Variants in ATG10 observed in about 807,000 individuals in gnomAD.
ATG10 encodes ubiquitin-like-conjugating enzyme ATG10.
A neutral mutation model predicts 32.1 loss-of-function variants in ATG10; 30 were observed. The ratio of observed to expected loss-of-function variants is 0.94; its 90% CI spans 0.70 to 1.27. The LOEUF is 1.27. ATG10 is among the 50% of genes most tolerant of loss of function. ATG10 has a pLI of 0.00. For missense variants in ATG10, 233 were observed against 262.3 expected, an observed-to-expected ratio of 0.89 and a Z score of 0.77; for synonymous variants, 87 against 91.5, an observed-to-expected ratio of 0.95 and a Z score of 0.28.
At chr5:82,127,879 G>A (rs185014015) in intron 3 of ATG10, among the ~76,000 whole-genome samples, 166 of 151,938 alleles carry the variant, frequency 1.1e-3, no homozygotes, top group African/African-American at 3.8e-3. Flanking sequence ...TTGACAGTGG[G>A]GTGTTAAAGT....
chr5:82,170,351 A>G (rs1743754035), intron 4 of ATG10, among the ~76,000 whole-genome samples: 1 of 152,198 alleles, frequency 6.6e-6, no homozygotes, highest in Non-Finnish European at 1.5e-5. Context: ...AATATGCTGA[A>G]ACAAATCACT....
intron 3 of ATG10, among the ~76,000 whole-genome samples, chr5:82,136,897 C>T (rs1255429446): frequency 6.6e-6 from 1 of 152,078 alleles, no homozygotes; most frequent in Non-Finnish European, 1.5e-5. Flanking sequence ...TTCTTGGAGG[C>T]TTTGTTCATT....
At chr5:81,992,402 T>C (rs915945242) in intron 2 of ATG10, 11 of 151,662 alleles carry the variant, frequency 7.3e-5, no homozygotes, top group African/African-American at 2.7e-4. Context: ...ATTTTTAAAA[T>C]TAAATTAAAT....
At chr5:81,991,610 A>G (rs1761460944) in intron 2 of ATG10, among the ~76,000 whole-genome samples, 1 of 152,140 alleles carries the variant, frequency 6.6e-6, no homozygotes, top group Non-Finnish European at 1.5e-5. Context: ...CCTGGCCAAC[A>G]TGGTGAAACC....
At chr5:82,142,506 C>T (rs906691474) in intron 3 of ATG10, among the ~76,000 whole-genome samples, 3 of 152,058 alleles carry the variant, frequency 2.0e-5, no homozygotes, top group African/African-American at 7.2e-5. Context: ...AGAATGACAA[C>T]AAAGGATGCT....
At chr5:82,170,227 A>T (rs1743747797) in intron 4 of ATG10, among the ~76,000 whole-genome samples, 1 of 148,482 alleles carries the variant, frequency 6.7e-6, no homozygotes, top group Non-Finnish European at 1.5e-5. Context: ...TGCCATATGG[A>T]AAAAACATCT....
At chr5:82,138,836 GCTCTCCCTCCCCCTCCCCCTCCCC>G (rs1766889082) in intron 3 of ATG10, among the ~76,000 whole-genome samples, 2 of 74,236 alleles carry the variant, frequency 2.7e-5, no homozygotes, top group Non-Finnish European at 2.5e-5. Context: ...TGAAAGTCGA[GCTCTCCCTCCCCCTCCCCCTCCCC>G]CTCCCCCTCC....
In ATG10 at chr5:82,098,510, C is replaced by T. The variant is rs1205514350; in HGVS notation, c.216+39908C>T. 2.6e-5 allele frequency among the ~76,000 whole-genome samples: 4 copies of T among 151,936 alleles called. No homozygotes were observed. In the East Asian group the frequency reaches 7.7e-4, roughly 29 times the overall value. Reference sequence around the variant, plus strand: ...TTTTTTAGTAGAGATGCGGTTTCACCATCTTGGCCAGGCTGGTCTTGAACT... The same window carrying T: ...TTTTTTAGTAGAGATGCGGTTTCACTATCTTGGCCAGGCTGGTCTTGAACT... On this transcript the variant is annotated intron_variant, in intron 3 of 7. Transcript: ENST00000282185.
chr5:82,026,011 A>G (rs1319137877), intron 2 of ATG10, among the ~76,000 whole-genome samples: 1 of 152,212 alleles, frequency 6.6e-6, no homozygotes. Flanking sequence ...CTGTCTTAAC[A>G]ATTTTTAAAT....
chr5:82,103,470 C>A (rs936272939), intron 3 of ATG10, among the ~76,000 whole-genome samples: 13 of 152,230 alleles, frequency 8.5e-5, no homozygotes, highest in Middle Eastern at 3.4e-3. Flanking sequence ...AACCTGTGTG[C>A]CCCTCTATCT....
intron 5 of ATG10, among the ~76,000 whole-genome samples, chr5:82,193,589 C>T (rs1282402314): frequency 6.6e-6 from 1 of 152,136 alleles, no homozygotes; most frequent in African/African-American, 2.4e-5. Context: ...TTACAGCTTT[C>T]CCTCCCCTAC....
intron 3 of ATG10, among the ~76,000 whole-genome samples, chr5:82,118,932 G>A (rs1016893167): frequency 4.6e-5 from 7 of 152,146 alleles, no homozygotes; most frequent in East Asian, 1.9e-4. Context: ...GAGAGTTCAA[G>A]GAGGGCAATG....
At chr5:82,018,617 G>A (rs1762352059) in intron 2 of ATG10, among the ~76,000 whole-genome samples, 1 of 152,052 alleles carries the variant, frequency 6.6e-6, no homozygotes, top group Admixed American at 6.6e-5. Context: ...CGCTGACCTT[G>A]CTGTTCTTTA....
chr5:82,155,000 A>G (rs1037026575), intron 3 of ATG10, among the ~76,000 whole-genome samples: 5 of 152,172 alleles, frequency 3.3e-5, no homozygotes, highest in South Asian at 2.1e-4. Context: ...TAACATTCCT[A>G]CAATGCTTGC....
intron 3 of ATG10, among the ~76,000 whole-genome samples, chr5:82,136,691 G>T (rs918238326): frequency 5.3e-5 from 8 of 152,074 alleles, no homozygotes; most frequent in African/African-American, 1.7e-4. Flanking sequence ...ATTATATGTT[G>T]GGGTTGTTCT....
chr5:82,128,838 T>G (rs892279494), intron 3 of ATG10, among the ~76,000 whole-genome samples: 17 of 151,684 alleles, frequency 1.1e-4, no homozygotes, highest in African/African-American at 4.1e-4. Context: ...TATGTGTTTT[T>G]GGGTTGCTCT....
At chr5:81,997,254 G>A (rs376943573) in intron 2 of ATG10, among the ~76,000 whole-genome samples, 1 of 152,224 alleles carries the variant, frequency 6.6e-6, no homozygotes, top group South Asian at 2.1e-4. Flanking sequence ...GAGTGTTGTG[G>A]CCAGTGGTCT....
chr5:82,127,340 G>A (rs964723462), intron 3 of ATG10, among the ~76,000 whole-genome samples: 2 of 151,976 alleles, frequency 1.3e-5, no homozygotes, highest in African/African-American at 4.8e-5. Flanking sequence ...GAATTTGTAT[G>A]TCCTTGCTCC....
At chr5:82,114,615 C>T (rs1765728748) in intron 3 of ATG10, among the ~76,000 whole-genome samples, 1 of 152,000 alleles carries the variant, frequency 6.6e-6, no homozygotes, top group Non-Finnish European at 1.5e-5. Flanking sequence ...GGATAGCCCA[C>T]CTGTAGGTTC....
Sources: gnomAD v4.1 joint callset for allele counts (sites outside exome capture counted in the v4.1 genomes callset) on GRCh38, gnomAD v4.1.1 for gene constraint, MANE v1.5 for transcripts, NCBI Gene and HGNC (gene_info 2026-07-23, HGNC 2026-07-21) for gene names.